KCNMB2: variants seen among roughly 807,000 people sequenced by gnomAD.
KCNMB2 encodes the protein calcium-activated potassium channel subunit beta-2.
In KCNMB2, 9 loss-of-function variants were observed where a neutral mutation model predicts 24.5. The ratio of observed to expected loss-of-function variants is 0.37; its 90% confidence interval spans 0.22 to 0.64. KCNMB2 has a LOEUF of 0.64. Among genes scored for constraint, KCNMB2 ranks in the 30% least tolerant of loss-of-function variants. The pLI, the probability that KCNMB2 is intolerant of heterozygous loss-of-function variation, is 0.63. For missense variants in KCNMB2, 226 were observed against 284.3 expected, an observed-to-expected ratio of 0.79 and a Z score of 1.47; for synonymous variants, 109 against 104.4, an observed-to-expected ratio of 1.04 and a Z score of -0.27.
chr3:178,538,835 T>C (rs770190682), intron 1 of KCNMB2, among the ~76,000 whole-genome samples: 6 of 152,144 alleles, frequency 3.9e-5, no homozygotes, highest in Non-Finnish European at 7.3e-5. Flanking sequence ...GTCAAAACAA[T>C]CTACTTTATA....
chr3:178,588,326 A>G (rs1053971826), intron 1 of KCNMB2, among the ~76,000 whole-genome samples: 3 of 152,186 alleles, frequency 2.0e-5, no homozygotes, highest in Non-Finnish European at 2.9e-5. Context: ...CTATTAGTGT[A>G]TAATTCATTC....
At position 178,557,034 on chromosome 3, in the gene KCNMB2, A is replaced by AG. The variant is rs1001406349; in HGVS notation, c.-68+20325dup. ...TAAACACATTTGCAGGTTTGAGGGAAGGAGCCAGTAAAATGGATTAAAGCT... is the reference window on the plus strand; with the variant it reads ...TAAACACATTTGCAGGTTTGAGGGAAGGGAGCCAGTAAAATGGATTAAAGCT... On this transcript the variant is annotated intron_variant, in intron 1 of 4. Coordinates refer to ENST00000452583, the MANE Select transcript of KCNMB2 (RefSeq NM_181361.3). 2.3e-4 allele frequency among the ~76,000 whole-genome samples: 35 copies of AG among 152,350 alleles called. No individual in the cohort carries two copies. The East Asian group carries it at 5.0e-3, about 22-fold the overall frequency.
chr3:178,679,485 C>T (rs1002761390), intron 1 of KCNMB2, among the ~76,000 whole-genome samples: 2 of 152,152 alleles, frequency 1.3e-5, no homozygotes, highest in Admixed American at 6.5e-5. Context: ...TTCATACATC[C>T]AAGTTTTCCT....
intron 1 of KCNMB2, among the ~76,000 whole-genome samples, chr3:178,804,990 G>C (rs1560028485): frequency 1.3e-5 from 2 of 152,196 alleles, no homozygotes; most frequent in Non-Finnish European, 2.9e-5. Flanking sequence ...TGATATTTTA[G>C]AGATGTTCAA....
chr3:178,553,921 A>G (rs376011256), intron 1 of KCNMB2, among the ~76,000 whole-genome samples: 21 of 152,230 alleles, frequency 1.4e-4, no homozygotes, highest in Admixed American at 1.0e-3. Context: ...AGAGAAAAGA[A>G]AAATGCAAAT....
chr3:178,726,143 A>G (rs1722960587), intron 1 of KCNMB2, among the ~76,000 whole-genome samples: 2 of 151,896 alleles, frequency 1.3e-5, no homozygotes, highest in African/African-American at 4.8e-5. Flanking sequence ...ATAACTTTTC[A>G]TAGTCTACAT....
chr3:178,772,460 T>TA (rs994532798), intron 1 of KCNMB2, among the ~76,000 whole-genome samples: 1 of 152,132 alleles, frequency 6.6e-6, no homozygotes, highest in Non-Finnish European at 1.5e-5. Context: ...CTGACAGTTT[T>TA]AAAAAAACAG....
chr3:178,695,525 A>C (rs572551697), intron 1 of KCNMB2, among the ~76,000 whole-genome samples: 2 of 152,084 alleles, frequency 1.3e-5, no homozygotes, highest in Non-Finnish European at 2.9e-5. Flanking sequence ...GCTGCTTGTA[A>C]ATTTCTTCCT....
chr3:178,575,933 C>T (rs777909292), intron 1 of KCNMB2, among the ~76,000 whole-genome samples: 41 of 152,088 alleles, frequency 2.7e-4, no homozygotes, highest in Admixed American at 7.9e-4. Flanking sequence ...ACAGCTGGAT[C>T]TCACAGAAAT....
chr3:178,583,633 C>T (rs972389663), intron 1 of KCNMB2, among the ~76,000 whole-genome samples: 1 of 152,158 alleles, frequency 6.6e-6, no homozygotes, highest in Non-Finnish European at 1.5e-5. Flanking sequence ...CTTTTCACAG[C>T]TAAAATCTAC....
At position 178,720,692 on chromosome 3, in the gene KCNMB2, A is replaced by G. The variant is rs1389387081; in HGVS notation, c.-67-86651A>G. Among the ~76,000 whole-genome samples, 66 of 132,272 alleles carry G rather than the reference A, an allele frequency of 5.0e-4. 1 individual carries two copies. Among genetic ancestry groups the G allele is most frequent in the Non-Finnish European group, 6.1e-4 (38 of 62,790 alleles). 86.8% of individuals were successfully genotyped at this position (132,272 alleles called of 152,430 possible). On this transcript the variant is annotated intron_variant, in intron 1 of 4. Coordinates refer to ENST00000452583, the MANE Select transcript of KCNMB2 (RefSeq NM_181361.3). ...GCCATTCTAACTGGTGTGAGATGGT[A>G]TCTCATTGTGGTTTTGATTTGCATT...
At chr3:178,603,601 C>T (rs1200066305) in intron 1 of KCNMB2, among the ~76,000 whole-genome samples, 2 of 152,136 alleles carry the variant, frequency 1.3e-5, no homozygotes, top group African/African-American at 4.8e-5. Flanking sequence ...TGATGCTCTA[C>T]AACTGCAGAG....
chr3:178,567,417 A>C lies in KCNMB2; in HGVS notation c.-68+30706A>C, dbSNP rs73882823. 5.6e-3 allele frequency among the ~76,000 whole-genome samples: 850 copies of C among 152,264 alleles called. 5 individuals are homozygous for C. Among genetic ancestry groups the C allele is most frequent in the African/African-American group, 0.02 (811 of 41,560 alleles). On this transcript the variant is annotated intron_variant, in intron 1 of 4. Transcript: ENST00000452583. ...ATGTAATACAACTAGTGGCTTAGAG[A>C]AGGTATTCAATAAATGATCACTATA...
intron 1 of KCNMB2, among the ~76,000 whole-genome samples, chr3:178,741,382 T>C (rs763467367): frequency 1.4e-4 from 21 of 152,198 alleles, no homozygotes; most frequent in Admixed American, 3.3e-4. Context: ...TTTCCTCCAT[T>C]CCTCCTAGAA....
chr3:178,701,466 T>G (rs1411277383), intron 1 of KCNMB2, among the ~76,000 whole-genome samples: 1 of 152,228 alleles, frequency 6.6e-6, no homozygotes, highest in East Asian at 1.9e-4. Flanking sequence ...ATATGAACTT[T>G]AAAGTAGTTT....
At chr3:178,568,564 A>T (rs1420918461) in intron 1 of KCNMB2, among the ~76,000 whole-genome samples, 1 of 152,158 alleles carries the variant, frequency 6.6e-6, no homozygotes, top group Non-Finnish European at 1.5e-5. Context: ...AATCATGGGG[A>T]TAGTCAATCA....
At chr3:178,752,220 A>C (rs1262178341) in intron 1 of KCNMB2, among the ~76,000 whole-genome samples, 1 of 152,268 alleles carries the variant, frequency 6.6e-6, no homozygotes, top group Non-Finnish European at 1.5e-5. Flanking sequence ...AATAAGTGTC[A>C]GAAGAGAACT....
intron 1 of KCNMB2, among the ~76,000 whole-genome samples, chr3:178,590,525 G>T (rs1016974086): frequency 6.6e-6 from 1 of 152,086 alleles, no homozygotes; most frequent in African/African-American, 2.4e-5. Context: ...ATCACTCATT[G>T]TCCTACCACT....
intron 1 of KCNMB2, among the ~76,000 whole-genome samples, chr3:178,689,399 G>C (rs1284469010): frequency 6.6e-6 from 1 of 152,134 alleles, no homozygotes; most frequent in East Asian, 1.9e-4. Flanking sequence ...ACTTTGGGAG[G>C]CTGAGATGGG....
Sources: gnomAD v4.1 joint callset for allele counts (sites outside exome capture counted in the v4.1 genomes callset) on GRCh38, gnomAD v4.1.1 for gene constraint, MANE v1.5 for transcripts, NCBI Gene and HGNC (gene_info 2026-07-23, HGNC 2026-07-21) for gene names.